The following EDARADD variants were observed in gnomAD, a reference collection of about 807,000 sequenced individuals.
The protein encoded by EDARADD is ectodysplasin-A receptor-associated adapter protein.
EDARADD carries 20 observed loss-of-function variants against 25.6 expected under a neutral mutation model. The observed-to-expected ratio is 0.78, with a 90% CI of 0.55 to 1.14. EDARADD has a LOEUF of 1.14. EDARADD is among the 50% of genes most tolerant of loss of function. EDARADD has a pLI of 0.00. For missense variants in EDARADD, 225 were observed against 270.1 expected, an observed-to-expected ratio of 0.83 and a Z score of 1.17; for synonymous variants, 86 against 94.4, an observed-to-expected ratio of 0.91 and a Z score of 0.52.
At chr1:236,355,878 C>CT (rs1284230122) in intron 3 of EDARADD, among the ~76,000 whole-genome samples, 2 of 152,086 alleles carry the variant, frequency 1.3e-5, no homozygotes, top group Non-Finnish European at 2.9e-5. Flanking sequence ...ATGACCGGTT[C>CT]TAAGGCTCCT....
At chr1:236,430,862 A>G (rs1658075460) in intron 4 of EDARADD, among the ~76,000 whole-genome samples, 1 of 152,204 alleles carries the variant, frequency 6.6e-6, no homozygotes, top group Non-Finnish European at 1.5e-5. Context: ...TCACGCCTAT[A>G]ATCCCAACAC....
intron 3 of EDARADD, among the ~76,000 whole-genome samples, chr1:236,366,067 G>A (rs1359013477): frequency 6.6e-6 from 1 of 152,104 alleles, no homozygotes; most frequent in East Asian, 1.9e-4. Context: ...CAGATATAAC[G>A]CTAACATCGG....
intron 5 of EDARADD, among the ~76,000 whole-genome samples, chr1:236,469,879 T>G (rs1215319120): frequency 6.6e-6 from 1 of 152,100 alleles, no homozygotes; most frequent in Non-Finnish European, 1.5e-5. Context: ...CCGGCTAATT[T>G]TTGTATTTTT....
At chr1:236,371,684 C>A (rs1020478886) in intron 3 of EDARADD, among the ~76,000 whole-genome samples, 17 of 151,808 alleles carry the variant, frequency 1.1e-4, no homozygotes, top group Non-Finnish European at 2.4e-4. Context: ...ATTCTCCTGC[C>A]TCAGCCTCCC....
At chr1:236,468,035 C>A (rs972319125) in intron 4 of EDARADD, among the ~76,000 whole-genome samples, 196 bp from the exon 5 acceptor site, 1 of 152,126 alleles carries the variant, frequency 6.6e-6, no homozygotes. Flanking sequence ...AACAAAAGCC[C>A]CTGCGCTCAA....
At chr1:236,440,902 A>G (rs1658380548) in intron 4 of EDARADD, among the ~76,000 whole-genome samples, 1 of 152,096 alleles carries the variant, frequency 6.6e-6, no homozygotes, top group Admixed American at 6.6e-5. Flanking sequence ...CAGTATCGAA[A>G]CTAGGCCAGT....
At chr1:236,431,927 CAAAAAAAA>C (rs1170622280) in intron 4 of EDARADD, among the ~76,000 whole-genome samples, 2 of 17,990 alleles carry the variant, frequency 1.1e-4, no homozygotes, top group African/African-American at 1.8e-4. Context: ...GACTCCGTCT[CAAAAAAAA>C]AAAAAAAAAA....
chr1:236,451,096 C>A (rs1284525048), intron 4 of EDARADD, among the ~76,000 whole-genome samples: 3 of 152,120 alleles, frequency 2.0e-5, no homozygotes, highest in Non-Finnish European at 4.4e-5. Context: ...TTCTTCCTCT[C>A]CCAGGGGTAC....
chr1:236,362,636 C>T (rs1353771833), intron 3 of EDARADD, among the ~76,000 whole-genome samples: 1 of 152,070 alleles, frequency 6.6e-6, no homozygotes, highest in Non-Finnish European at 1.5e-5. Flanking sequence ...CCAACGTCAC[C>T]AAGGGTTTTC....
At position 236,435,974 on chromosome 1, in the gene EDARADD, C is replaced by T. The variant is rs148641121; in HGVS notation, c.219+8524C>T. ...ACACATAATTTTGATAAATAAGAGT[C>T]GTCAAAGGCATAGAGAGATGAATTT... On this transcript the variant is annotated intron_variant, in intron 4 of 5. Transcript: ENST00000334232. Among the ~76,000 whole-genome samples, 475 of 152,072 alleles carry T rather than the reference C, an allele frequency of 3.1e-3. 4 individuals are homozygous for T. The highest frequency in any genetic ancestry group is 0.01 in the African/African-American group (430 of 41,474).
upstream of EDARADD, among the ~76,000 whole-genome samples, chr1:236,393,928 A>G (rs1667466534): frequency 1.3e-5 from 2 of 152,096 alleles, no homozygotes; most frequent in Non-Finnish European, 2.9e-5. Flanking sequence ...GATCGTTGCA[A>G]TTCATAGGAA....
At chr1:236,349,604 G>A (rs1046552795) in intron 2 of EDARADD, among the ~76,000 whole-genome samples, 7 of 152,250 alleles carry the variant, frequency 4.6e-5, no homozygotes, top group African/African-American at 1.7e-4. Flanking sequence ...ACAATTGGTT[G>A]AATTTATCCT....
chr1:236,484,536 G>A lies in EDARADD; in HGVS notation c.*1887G>A, dbSNP rs114783553. ...AGACCCCTCCCCTTGTGTCAACTCCGGCAGCTCAAGACCCCCGAGCAACAT... is the reference window on the plus strand; with the variant it reads ...AGACCCCTCCCCTTGTGTCAACTCCAGCAGCTCAAGACCCCCGAGCAACAT... On this transcript the variant is annotated 3_prime_UTR_variant, in exon 6 of 6. Coordinates refer to ENST00000334232, the MANE Select transcript of EDARADD (RefSeq NM_145861.4). The surrounding 1 kb of genome is among the most constrained non-coding windows in gnomAD (Gnocchi z 4.1). 1.4e-3 allele frequency: 1,816 copies of A among 1,319,046 alleles called. 10 individuals carry two copies. In the African/African-American group the frequency reaches 0.021, roughly 15 times the overall value. 81.7% of individuals were successfully genotyped at this position (1,319,046 alleles called of 1,614,324 possible).
intron 1 of EDARADD, among the ~76,000 whole-genome samples, chr1:236,397,322 A>G (rs1057283652): frequency 6.6e-6 from 1 of 152,098 alleles, no homozygotes; most frequent in Non-Finnish European, 1.5e-5. Context: ...AGGCAGGAGG[A>G]TTGCTTGAGT....
At chr1:236,455,700 A>G (rs1658839347) in intron 4 of EDARADD, among the ~76,000 whole-genome samples, 1 of 152,264 alleles carries the variant, frequency 6.6e-6, no homozygotes. Flanking sequence ...TCTCAAAACA[A>G]GCGGTGAAAG....
chr1:236,353,907 A>G (rs1259572823), intron 3 of EDARADD, among the ~76,000 whole-genome samples: 1 of 152,018 alleles, frequency 6.6e-6, no homozygotes, highest in Non-Finnish European at 1.5e-5. Flanking sequence ...TTTGCAAGAG[A>G]AAAGACAGAT....
chr1:236,408,894 C>T (rs1667785257), intron 1 of EDARADD, among the ~76,000 whole-genome samples: 2 of 151,956 alleles, frequency 1.3e-5, no homozygotes, highest in Non-Finnish European at 1.5e-5. Flanking sequence ...GCTGGGATTA[C>T]AGGCGCCCAC....
chr1:236,480,248 A>G (rs1164064039), intron 5 of EDARADD, among the ~76,000 whole-genome samples: 3 of 151,546 alleles, frequency 2.0e-5, no homozygotes, highest in Admixed American at 6.6e-5. Flanking sequence ...CTAGGTTGCC[A>G]TATTGTCTTC....
chr1:236,425,875 G>A (rs573336325), intron 3 of EDARADD, among the ~76,000 whole-genome samples: 2 of 152,320 alleles, frequency 1.3e-5, no homozygotes, highest in African/African-American at 2.4e-5. Context: ...TTGGTTAGCC[G>A]AGAGCAGTTA....
Sources: gnomAD v4.1 joint callset for allele counts (sites outside exome capture counted in the v4.1 genomes callset) on GRCh38, gnomAD v4.1.1 for gene constraint, Gnocchi (gnomAD v3.1) non-coding constraint, MANE v1.5 for transcripts, NCBI Gene and HGNC (gene_info 2026-07-23, HGNC 2026-07-21) for gene names.